TTC28: variants seen among roughly 807,000 people sequenced by gnomAD.
TTC28 encodes tetratricopeptide repeat protein 28.
A neutral mutation model predicts 198.0 loss-of-function variants in TTC28; 61 were observed. The ratio of observed to expected loss-of-function variants is 0.31; its 90% CI spans 0.25 to 0.38. The LOEUF (loss-of-function observed/expected upper bound fraction) is 0.38. Ranked by LOEUF, TTC28 falls within the 10% of genes least tolerant of loss-of-function variation. TTC28 has a pLI of 1.00. For synonymous variants in TTC28, 1,171 were observed against 1,297.8 expected, an observed-to-expected ratio of 0.90 and a Z score of 2.10; for missense variants, 2,678 against 3,164.0, an observed-to-expected ratio of 0.85 and a Z score of 3.69.
chr22:28,342,279 T>C (rs1378607974), intron 2 of TTC28, among the ~76,000 whole-genome samples: 1 of 152,220 alleles, frequency 6.6e-6, no homozygotes, highest in Non-Finnish European at 1.5e-5. Flanking sequence ...TTTATGCTGA[T>C]ATATTTGTTG....
intron 2 of TTC28, among the ~76,000 whole-genome samples, chr22:28,562,276 G>A (rs1018200986): frequency 7.9e-5 from 12 of 152,172 alleles, no homozygotes; most frequent in African/African-American, 2.7e-4. Context: ...CCATAGCAAT[G>A]CTTTCAATTT....
chr22:28,575,477 G>T (rs1430011116), intron 2 of TTC28, among the ~76,000 whole-genome samples: 1 of 152,092 alleles, frequency 6.6e-6, no homozygotes, highest in Non-Finnish European at 1.5e-5. Context: ...GCTTAGGGCA[G>T]CTTTGGCTAT....
chr22:28,388,615 T>A, intron 2 of TTC28, among the ~76,000 whole-genome samples: 1 of 152,232 alleles, frequency 6.6e-6, no homozygotes, highest in Non-Finnish European at 1.5e-5. Flanking sequence ...CAATTGTGAA[T>A]GGGAGTTCAC....
intron 6 of TTC28, among the ~76,000 whole-genome samples, chr22:28,131,973 A>C (rs923284090): frequency 6.6e-6 from 1 of 152,232 alleles, no homozygotes; most frequent in African/African-American, 2.4e-5. Context: ...AGATTCAAAA[A>C]ATTCAATTTC....
At chr22:28,026,669 T>C (rs964316917) in intron 13 of TTC28, among the ~76,000 whole-genome samples, 1 of 152,214 alleles carries the variant, frequency 6.6e-6, no homozygotes, top group East Asian at 1.9e-4. Flanking sequence ...TAGAGGGAAG[T>C]TGTCTAGCAG....
At position 28,107,158 on chromosome 22, in the gene TTC28, G is replaced by C; in HGVS notation, c.2687C>G (p.Ala896Gly). 2 of 1,551,710 alleles carry C rather than the reference G, an allele frequency of 1.3e-6. No individual in the cohort carries two copies. Among genetic ancestry groups the C allele is most frequent in the Non-Finnish European group, 1.7e-6 (2 of 1,146,992 alleles). The change falls in exon 7 of 23, where the codon GCT becomes GGT. Residue 896 changes from alanine (A) to glycine (G), a missense_variant. Around this residue, in one of 8 missense-constraint regions of TTC28, gnomAD observed 775 missense variants for 845.9 expected, o/e 0.92. Transcript: ENST00000397906. The stretch of plus-strand genomic sequence containing the variant: ...TAAATATTGTTCATAGTATTTGATA[G>C]CTTCCTCATAGTCACCCAGGGCTTC... ...CYEALGDYEE[A>G]IKYYEQYLSV...
intron 17 of TTC28, among the ~76,000 whole-genome samples, chr22:27,994,075 C>T (rs1364555223): frequency 6.6e-6 from 1 of 152,246 alleles, no homozygotes; most frequent in East Asian, 1.9e-4. Flanking sequence ...CACTTCTACG[C>T]TGAAGTCACC....
At chr22:28,597,508 A>G (rs1243331981) in intron 2 of TTC28, among the ~76,000 whole-genome samples, 2 of 152,188 alleles carry the variant, frequency 1.3e-5, no homozygotes, top group African/African-American at 2.4e-5. Context: ...ACAATTTCCT[A>G]AACCAAAATG....
In TTC28 at chr22:28,335,421, A is replaced by C. The variant is rs58603233; in HGVS notation, c.382-28778T>G. Among the ~76,000 whole-genome samples, 758 of 152,296 alleles carry C rather than the reference A, an allele frequency of 5.0e-3. 7 individuals carry two copies. Among genetic ancestry groups the C allele is most frequent in the African/African-American group, 0.016 (652 of 41,554 alleles). On this transcript the variant is annotated intron_variant, in intron 2 of 22. Transcript: ENST00000397906. ...TCTGTGGTAGCTTGATGGGGATGGC[A>C]TTGAATCTATAAATTACCTTGGGCT... is the stretch of plus-strand genomic sequence containing the variant.
At chr22:28,235,162 T>C (rs1237068442) in intron 5 of TTC28, among the ~76,000 whole-genome samples, 1 of 152,214 alleles carries the variant, frequency 6.6e-6, no homozygotes. Flanking sequence ...CTCAGGTCAC[T>C]TTCTTTTAGT....
At chr22:28,369,784 G>A (rs1276340106) in intron 2 of TTC28, among the ~76,000 whole-genome samples, 1 of 151,746 alleles carries the variant, frequency 6.6e-6, no homozygotes, top group Non-Finnish European at 1.5e-5. Flanking sequence ...CACACAGCAT[G>A]GTGAAAATTA....
chr22:28,572,126 G>A (rs111902610), intron 2 of TTC28, among the ~76,000 whole-genome samples: 2 of 151,152 alleles, frequency 1.3e-5, no homozygotes, highest in Non-Finnish European at 2.9e-5. Flanking sequence ...TTGAGGCCAG[G>A]AGTTGGAGAA....
intron 6 of TTC28, among the ~76,000 whole-genome samples, chr22:28,135,130 T>TTTTATCACACA (rs1377285567): frequency 1.2e-4 from 18 of 152,228 alleles, no homozygotes; most frequent in Non-Finnish European, 1.0e-4. Flanking sequence ...GAATGTTGTG[T>TTTTATCACACA]TTTATCAGGT....
intron 6 of TTC28, among the ~76,000 whole-genome samples, chr22:28,139,785 C>A (rs997968758): frequency 3.1e-4 from 47 of 151,708 alleles, no homozygotes; most frequent in African/African-American, 1.1e-3. Flanking sequence ...AATTTGTAAT[C>A]CTAATGATGT....
At chr22:28,678,997 T>C (rs1024830425) in intron 1 of TTC28, among the ~76,000 whole-genome samples, 9 of 152,094 alleles carry the variant, frequency 5.9e-5, no homozygotes, top group African/African-American at 1.7e-4. Context: ...GGGGGTAAGC[T>C]CGAGAGCCCA....
At chr22:28,046,107 G>A (rs1359143309) in intron 12 of TTC28, among the ~76,000 whole-genome samples, 1 of 152,220 alleles carries the variant, frequency 6.6e-6, no homozygotes. Flanking sequence ...ATTTTTAGCT[G>A]TACCAATATT....
chr22:28,037,883 CAGAG>C (rs1362417957), intron 12 of TTC28, among the ~76,000 whole-genome samples: 6 of 152,132 alleles, frequency 3.9e-5, no homozygotes, highest in Admixed American at 3.3e-4. Context: ...AACAGACAAA[CAGAG>C]AGCCAAATCA....
intron 2 of TTC28, among the ~76,000 whole-genome samples, chr22:28,455,713 CAA>C (rs747031430): frequency 1.6e-4 from 20 of 121,846 alleles, no homozygotes; most frequent in African/African-American, 1.8e-4. Context: ...GACTCTTTCC[CAA>C]AAAAAAAAAA....
At chr22:28,406,735 C>T (rs548462745) in intron 2 of TTC28, among the ~76,000 whole-genome samples, 97 of 152,370 alleles carry the variant, frequency 6.4e-4, no homozygotes, top group Admixed American at 1.1e-3. Flanking sequence ...TCCTAGTCTT[C>T]TGGTTAACCT....
Sources: allele counts gnomAD v4.1 joint callset (sites outside exome capture counted in the v4.1 genomes callset), GRCh38; gene constraint gnomAD v4.1.1; regional missense constraint gnomAD v4.1.1; transcripts MANE v1.5; gene names NCBI Gene and HGNC (gene_info 2026-07-23, HGNC 2026-07-21).